ESR1: variants seen among roughly 807,000 people sequenced by gnomAD.
ESR1 encodes the protein estrogen receptor 1.
Under a neutral mutation model 52.7 loss-of-function variants are expected in ESR1, and 12 were observed. The observed-to-expected ratio is 0.23, with a 90% CI of 0.15 to 0.37. The LOEUF (loss-of-function observed/expected upper bound fraction) is 0.37, where lower values mean the gene tolerates loss of function less well. Among genes scored for constraint, ESR1 ranks in the 10% least tolerant of loss-of-function variants. ESR1 has a pLI of 1.00. For missense variants in ESR1, 584 were observed against 779.7 expected (o/e 0.75, Z 2.99); for synonymous variants, 305 against 316.8 (o/e 0.96, Z 0.39).
chr6:151,992,756 A>AT (rs200742366), intron 4 of ESR1, among the ~76,000 whole-genome samples: 5 of 151,984 alleles, frequency 3.3e-5, no homozygotes, highest in South Asian at 2.1e-4. Flanking sequence ...TAAAAGAATG[A>AT]TTTTTTTTGT....
At chr6:152,026,942 A>G (rs1221986081) in intron 5 of ESR1, among the ~76,000 whole-genome samples, 1 of 151,746 alleles carries the variant, frequency 6.6e-6, no homozygotes, top group East Asian at 1.9e-4. Context: ...TTGTAAGCTA[A>G]TAATAACTTC....
upstream of ESR1, chr6:151,805,926 C>T (rs1442399921): frequency 6.6e-6 from 1 of 152,178 alleles, no homozygotes; most frequent in Non-Finnish European, 1.5e-5. Context: ...GATTGCTGTT[C>T]TCCATGGGGG....
intron 3 of ESR1, among the ~76,000 whole-genome samples, chr6:151,896,317 C>G (rs1795501670): frequency 6.6e-6 from 1 of 152,064 alleles, no homozygotes; most frequent in African/African-American, 2.4e-5. Context: ...TGGTCCTGGA[C>G]TTTTTGTGTT....
At chr6:151,841,169 C>G (rs9340795) in intron 1 of ESR1, among the ~76,000 whole-genome samples, 1 of 152,088 alleles carries the variant, frequency 6.6e-6, no homozygotes. Flanking sequence ...TCAAACATTC[C>G]CTTTCTCCTG....
chr6:151,887,564 T>C (rs757976155), intron 3 of ESR1, among the ~76,000 whole-genome samples: 3 of 152,134 alleles, frequency 2.0e-5, no homozygotes, highest in Non-Finnish European at 4.4e-5. Context: ...TTATTCATTA[T>C]GATGTTCATG....
At position 151,813,309 on chromosome 6, in the gene ESR1, G is replaced by A. The variant is rs576902561; in HGVS notation, c.452+4945G>A. ...TAATAAAGTAATAATTTCAAGAAAC[G>A]TGGGCAAATAAGAAAGAGTATGACT... is the stretch of plus-strand genomic sequence containing the variant. On this transcript the variant is annotated intron_variant, in intron 1 of 7. Coordinates refer to ENST00000206249, the MANE Select transcript of ESR1 (RefSeq NM_000125.4). The A allele has an allele frequency of 7.9e-5, 12 of 152,214 alleles. No homozygotes were observed. The South Asian group carries it at 1.0e-3, about 13-fold the overall frequency. 9.4% of individuals were successfully genotyped at this position (152,214 alleles called of 1,614,324 possible).
intron 1 of ESR1, among the ~76,000 whole-genome samples, chr6:151,837,706 G>A (rs1195910552): frequency 6.6e-6 from 1 of 152,198 alleles, no homozygotes; most frequent in East Asian, 1.9e-4. Flanking sequence ...GACATCTAAT[G>A]TCTTAATGTG....
At chr6:152,088,284 G>A (rs2049901034) in intron 6 of ESR1, among the ~76,000 whole-genome samples, 2 of 152,118 alleles carry the variant, frequency 1.3e-5, no homozygotes, top group South Asian at 4.1e-4. Flanking sequence ...GAGGCTTTTT[G>A]TCCAAGAAGT....
At chr6:151,715,750 T>C (rs1780983239) in intron 2 of ESR1, among the ~76,000 whole-genome samples, 2 of 152,226 alleles carry the variant, frequency 1.3e-5, no homozygotes, top group African/African-American at 4.8e-5. Flanking sequence ...TTTTTCAAGG[T>C]TCTTAGCTTC....
chr6:151,913,583 T>G (rs1384430011), intron 3 of ESR1, among the ~76,000 whole-genome samples: 1 of 152,220 alleles, frequency 6.6e-6, no homozygotes, highest in South Asian at 2.1e-4. Context: ...TAATTGTGAT[T>G]ATTACAATAC....
chr6:152,108,942 G>A (rs927514304), intron 6 of ESR1, among the ~76,000 whole-genome samples: 1 of 152,190 alleles, frequency 6.6e-6, no homozygotes, highest in African/African-American at 2.4e-5. Context: ...CGGTTCTGCA[G>A]GCTGTACAGG....
At chr6:151,710,119 T>C (rs1417593380) in intron 2 of ESR1, among the ~76,000 whole-genome samples, 2 of 151,956 alleles carry the variant, frequency 1.3e-5, no homozygotes, top group Non-Finnish European at 2.9e-5. Context: ...AATTTAAAGA[T>C]TTTTTTTCTC....
At chr6:152,088,742 C>T (rs960529490) in intron 6 of ESR1, among the ~76,000 whole-genome samples, 40 of 152,190 alleles carry the variant, frequency 2.6e-4, no homozygotes, top group South Asian at 6.2e-4. Flanking sequence ...ATTTCTCAAC[C>T]TCCATAACTG....
chr6:151,682,018 G>C (rs1047670140), intron 1 of ESR1, among the ~76,000 whole-genome samples: 4 of 152,158 alleles, frequency 2.6e-5, no homozygotes, highest in Non-Finnish European at 4.4e-5. Flanking sequence ...AAAACATCTG[G>C]AGTTACAAAC....
chr6:152,087,981 A>C (rs1028432309), intron 6 of ESR1, among the ~76,000 whole-genome samples: 3 of 152,194 alleles, frequency 2.0e-5, no homozygotes, highest in Non-Finnish European at 2.9e-5. Context: ...AAACCTTAAG[A>C]GAAAAAATCT....
At chr6:151,877,980 TTA>T (rs962399511) in intron 2 of ESR1, among the ~76,000 whole-genome samples, 24 of 152,066 alleles carry the variant, frequency 1.6e-4, no homozygotes, top group African/African-American at 5.8e-4. Context: ...AGGCTAATAT[TTA>T]ATTTTTTTTT....
chr6:151,778,653 A>C (rs1310703158), intron 2 of ESR1, among the ~76,000 whole-genome samples: 2 of 151,444 alleles, frequency 1.3e-5, no homozygotes, highest in East Asian at 3.9e-4. Flanking sequence ...TGATCTGCCC[A>C]CCTCAGCCTC....
At chr6:152,034,451 C>T (rs1192671568) in intron 5 of ESR1, among the ~76,000 whole-genome samples, 1 of 152,074 alleles carries the variant, frequency 6.6e-6, no homozygotes, top group East Asian at 1.9e-4. Context: ...TTTATCTTCA[C>T]ATCCTTTATT....
chr6:152,019,921 T>C (rs894338988), intron 5 of ESR1, among the ~76,000 whole-genome samples: 6 of 152,254 alleles, frequency 3.9e-5, no homozygotes, highest in South Asian at 2.1e-4. Flanking sequence ...AGCATATCCA[T>C]AGGGCGCTGT....
Sources: allele counts gnomAD v4.1 joint callset (sites outside exome capture counted in the v4.1 genomes callset), GRCh38; gene constraint gnomAD v4.1.1; transcripts MANE v1.5; gene names NCBI Gene and HGNC (gene_info 2026-07-23, HGNC 2026-07-21).